RYR3: variants seen among roughly 807,000 people sequenced by gnomAD.
RYR3 encodes the protein ryanodine receptor 3.
RYR3 carries 207 observed loss-of-function variants against 584.3 expected under a neutral mutation model. The observed-to-expected ratio is 0.35, with a 90% CI of 0.32 to 0.40. The LOEUF (loss-of-function observed/expected upper bound fraction) is 0.40. RYR3 is among the 10% of genes least tolerant of loss of function. The pLI, the probability that RYR3 is intolerant of heterozygous loss-of-function variation, is 1.00. For missense variants in RYR3, 5,616 were observed against 6,089.2 expected (o/e 0.92, Z 2.59); for synonymous variants, 2,416 against 2,248.5 (o/e 1.07, Z -2.11).
At chr15:33,704,289 A>AT (rs1375227547) in intron 42 of RYR3, among the ~76,000 whole-genome samples, 1 of 152,018 alleles carries the variant, frequency 6.6e-6, no homozygotes, top group African/African-American at 2.4e-5. Context: ...CTCAAAAAAA[A>AT]AAAAAAAGAA....
intron 64 of RYR3, among the ~76,000 whole-genome samples, chr15:33,774,941 T>C (rs2152893045): frequency 6.6e-6 from 1 of 152,252 alleles, no homozygotes; most frequent in Admixed American, 6.5e-5. Context: ...TCTTTCTCAT[T>C]CTCTTGTTAT....
At chr15:33,654,118 A>T (rs139283883) in intron 32 of RYR3, among the ~76,000 whole-genome samples, 1 of 152,294 alleles carries the variant, frequency 6.6e-6, no homozygotes, top group Non-Finnish European at 1.5e-5. Context: ...TAGACAGAGA[A>T]CGCTGTACGA....
At chr15:33,647,804 A>G (rs1007847959) in intron 30 of RYR3, among the ~76,000 whole-genome samples, 5 of 152,150 alleles carry the variant, frequency 3.3e-5, no homozygotes, top group African/African-American at 1.2e-4. Flanking sequence ...TTTTTTGTGT[A>G]AACTTTTGTG....
chr15:33,384,601 GCACACA>G (rs10659855), intron 1 of RYR3, among the ~76,000 whole-genome samples: 2 of 145,318 alleles, frequency 1.4e-5, no homozygotes, highest in Middle Eastern at 3.4e-3. Flanking sequence ...ATCTATATAT[GCACACA>G]CACACACACA....
rs774132009 is a variant in RYR3, at chr15:33,854,463, C to G, written c.13860+14C>G. ...TTTACTGACAACGTAAGTACTGCAC[C>G]TGGAAAAACAAAATTCTATACCCCA... On this transcript the variant is annotated intron_variant, in intron 97 of 103. Coordinates refer to ENST00000634891, the MANE Select transcript of RYR3 (RefSeq NM_001036.6). 3 of 1,551,852 alleles carry G rather than the reference C, an allele frequency of 1.9e-6. No individual in the cohort carries two copies. The South Asian group carries it at 3.6e-5, about 19-fold the overall frequency.
chr15:33,325,872 C>A (rs1282365692), intron 1 of RYR3, among the ~76,000 whole-genome samples: 1 of 151,824 alleles, frequency 6.6e-6, no homozygotes. Context: ...CACAATCATG[C>A]CCCACTGCAG....
Position 33,540,818 on chromosome 15 carries a change from C to A in RYR3, c.574C>A (p.Gln192Lys), listed in dbSNP as rs377244532. 6.8e-6 allele frequency: 11 copies of A among 1,611,440 alleles called. No homozygotes were observed. The South Asian group carries it at 1.2e-4, about 18-fold the overall frequency. ...LHLSVSNGNI[Q>K]VDASFMQTLW... Reference sequence around the variant, plus strand: ...TCTCTCAGTATCAAATGGTAACATACAAGTGGATGCCTCCTTTATGCAAAC... The same window carrying A: ...TCTCTCAGTATCAAATGGTAACATAAAAGTGGATGCCTCCTTTATGCAAAC... Residue 192 changes from glutamine to lysine, a missense_variant, in exon 7 of 104, where the codon CAA (glutamine) becomes AAA (lysine). Coordinates refer to ENST00000634891, the MANE Select transcript of RYR3 (RefSeq NM_001036.6).
intron 19 of RYR3, among the ~76,000 whole-genome samples, chr15:33,622,030 A>G (rs1297136833): frequency 6.6e-6 from 1 of 152,144 alleles, no homozygotes; most frequent in Admixed American, 6.5e-5. Flanking sequence ...ATTCCACAAC[A>G]AAACTGGAAG....
intron 2 of RYR3, among the ~76,000 whole-genome samples, chr15:33,490,298 C>A (rs1329217144): frequency 2.0e-5 from 3 of 152,198 alleles, no homozygotes; most frequent in Non-Finnish European, 4.4e-5. Flanking sequence ...AAACAGCTGC[C>A]TTTGGGCCAC....
intron 97 of RYR3, 78 bp from the exon 98 acceptor site, chr15:33,854,688 C>A (rs1420405959): frequency 6.6e-7 from 1 of 1,525,514 alleles, no homozygotes; most frequent in Non-Finnish European, 8.8e-7. Context: ...GTGTGTCTCC[C>A]AAAATAAGAA....
chr15:33,837,132 T>C, intron 88 of RYR3, 145 bp downstream of exon 88: 1 of 625,200 alleles, frequency 1.6e-6, no homozygotes, highest in East Asian at 2.8e-5. Context: ...AAACGAAAAA[T>C]AAAATGAGGG....
Position 33,547,573 on chromosome 15 carries a change from A to G in RYR3, c.741-557A>G, listed in dbSNP as rs139768101. ...TTCTAAAATAAAAATTTTATTTCAA[A>G]ACACATTAAAAGATGATTCTTAACA... On this transcript the variant is annotated intron_variant, in intron 8 of 103. Transcript: ENST00000634891. 2.1e-3 allele frequency among the ~76,000 whole-genome samples: 327 copies of G among 152,296 alleles called. 1 individual carries two copies. The highest frequency in any genetic ancestry group is 0.013 in the South Asian group (63 of 4,820).
At chr15:33,318,681 G>T (rs1296546583) in intron 1 of RYR3, among the ~76,000 whole-genome samples, 2 of 152,158 alleles carry the variant, frequency 1.3e-5, no homozygotes, top group African/African-American at 4.8e-5. Flanking sequence ...AGGAGAAGAA[G>T]GCTTGAGTTA....
At chr15:33,663,815 T>G in intron 36 of RYR3, 78 bp downstream of exon 36, 11 of 1,276,972 alleles carry the variant, frequency 8.6e-6, no homozygotes, top group Non-Finnish European at 1.1e-5. Flanking sequence ...ATGAAACCTC[T>G]ATGGTCTCTG....
chr15:33,784,707 C>G lies in RYR3; in HGVS notation c.9269-955C>G, dbSNP rs1159042456. Among the ~76,000 whole-genome samples, 4 of 152,140 alleles carry G rather than the reference C, an allele frequency of 2.6e-5. No individual in the cohort carries two copies. In the East Asian group the frequency reaches 7.7e-4, roughly 29 times the overall value. On this transcript the variant is annotated intron_variant, in intron 65 of 103. Coordinates refer to ENST00000634891, the MANE Select transcript of RYR3 (RefSeq NM_001036.6). Reference sequence around the variant, plus strand: ...TATGCAAACCTTTGGGCTTGTGGCTCTTACTCAGAATTGTCCACGTCCCTC... The same window carrying G: ...TATGCAAACCTTTGGGCTTGTGGCTGTTACTCAGAATTGTCCACGTCCCTC...
At position 33,789,986 on chromosome 15, in the gene RYR3, C is replaced by CTTTT. The variant is rs757370991; in HGVS notation, c.9830+1548_9830+1551dup. 3.0e-3 allele frequency among the ~76,000 whole-genome samples: 162 copies of CTTTT among 53,254 alleles called. 14 individuals carry two copies. The highest frequency in any genetic ancestry group is 0.028 in the Middle Eastern group (1 of 36). The allele number at this position is 53,254 out of a possible 152,430, so 34.9% of individuals were successfully genotyped here. ...GGCGTGAGCCACCACGCCTGGCCTT[C>CTTTT]TTTTTTTTTTTTTTTTTTTTTTTGA... On this transcript the variant is annotated intron_variant, in intron 67 of 103. Coordinates refer to ENST00000634891, the MANE Select transcript of RYR3 (RefSeq NM_001036.6).
intron 1 of RYR3, among the ~76,000 whole-genome samples, chr15:33,443,209 A>C (rs1015401313): frequency 6.6e-6 from 1 of 151,690 alleles, no homozygotes. Context: ...CAGTGAGCTG[A>C]GATTGCACCA....
chr15:33,648,634 G>A (rs1389723855), intron 30 of RYR3, among the ~76,000 whole-genome samples: 1 of 152,188 alleles, frequency 6.6e-6, no homozygotes, highest in Non-Finnish European at 1.5e-5. Context: ...AAAGTGTAAC[G>A]GGGATGCTCT....
At chr15:33,529,456 C>T (rs1326553740) in intron 3 of RYR3, among the ~76,000 whole-genome samples, 1 of 152,160 alleles carries the variant, frequency 6.6e-6, no homozygotes, top group Non-Finnish European at 1.5e-5. Context: ...GGTGTGGTTG[C>T]AGGTGGACAC....
Sources: allele counts gnomAD v4.1 joint callset (sites outside exome capture counted in the v4.1 genomes callset), GRCh38; gene constraint gnomAD v4.1.1; transcripts MANE v1.5; gene names NCBI Gene and HGNC (gene_info 2026-07-23, HGNC 2026-07-21).